The following L3MBTL4 variants were observed in gnomAD, a reference collection of about 807,000 sequenced individuals.
The protein encoded by L3MBTL4 is lethal(3)malignant brain tumor-like protein 4.
Under a neutral mutation model 84.5 loss-of-function variants are expected in L3MBTL4, and 70 were observed. That is an observed-to-expected ratio of 0.83 (90% CI 0.68 to 1.01). L3MBTL4 has a LOEUF of 1.01. L3MBTL4 is among the 50% of genes least tolerant of loss of function. L3MBTL4 has a pLI of 0.00. For synonymous variants in L3MBTL4, 274 were observed against 259.8 expected, an observed-to-expected ratio of 1.05 and a Z score of -0.52; for missense variants, 715 against 754.8, an observed-to-expected ratio of 0.95 and a Z score of 0.62.
At chr18:6,241,470 TCAAAATACC>T (rs1402797297) in intron 7 of L3MBTL4, 21 bp from the exon 8 acceptor site, 2 of 1,304,620 alleles carry the variant, frequency 1.5e-6, no homozygotes, top group East Asian at 4.6e-5. Context: ...CACAGATTAC[TCAAAATACC>T]CAAAAGATGT....
At position 6,314,780 on chromosome 18, in the gene L3MBTL4, T is replaced by C. The variant is rs571903898; in HGVS notation, c.-90-2724A>G. Among the ~76,000 whole-genome samples the C allele has an allele frequency of 1.2e-4, 19 of 152,332 alleles. No homozygotes were observed. The South Asian group carries it at 3.3e-3, about 27-fold the overall frequency. ...ACTAAAATAATTCACTGTCTGTCTA[T>C]GTCAAGGTGCTATTTGGTAATTCTT... On this transcript the variant is annotated intron_variant, in intron 1 of 18. Transcript: ENST00000317931.
At chr18:6,179,159 T>G (rs1259866948) in intron 12 of L3MBTL4, among the ~76,000 whole-genome samples, 1 of 152,208 alleles carries the variant, frequency 6.6e-6, no homozygotes, top group Non-Finnish European at 1.5e-5. Context: ...GCTATAAACC[T>G]TTTTTAAATT....
In L3MBTL4 at chr18:6,319,621, A is replaced by C. The variant is rs1018429127; in HGVS notation, c.-90-7565T>G. The stretch of plus-strand genomic sequence containing the variant: ...TTGAACAGACCAGTAACAAGCAGTA[A>C]GTTTCAATCGTAATATTTAAAATGT... On this transcript the variant is annotated intron_variant, in intron 1 of 18. Transcript: ENST00000317931. Among the ~76,000 whole-genome samples the C allele has an allele frequency of 3.9e-5, 6 of 152,024 alleles. No homozygotes were observed. In the East Asian group the frequency reaches 1.2e-3, roughly 29 times the overall value.
chr18:6,398,659 T>C (rs1472514401), intron 1 of L3MBTL4, among the ~76,000 whole-genome samples: 2 of 150,840 alleles, frequency 1.3e-5, no homozygotes, highest in Admixed American at 6.7e-5. Flanking sequence ...ATTCAGCCTA[T>C]AGATGTTTTG....
intron 16 of L3MBTL4, chr18:6,031,734 C>T (rs572746051): frequency 1.9e-5 from 19 of 985,178 alleles, no homozygotes; most frequent in African/African-American, 1.7e-4. Context: ...AGATGAAGGG[C>T]AAATGGAAAG....
At chr18:6,034,905 T>C (rs1224311588) in intron 16 of L3MBTL4, among the ~76,000 whole-genome samples, 1 of 150,396 alleles carries the variant, frequency 6.6e-6, no homozygotes, top group Non-Finnish European at 1.5e-5. Flanking sequence ...CCAGTGATGA[T>C]GAGCATTTTT....
intron 1 of L3MBTL4, among the ~76,000 whole-genome samples, chr18:6,315,356 G>T (rs915813995): frequency 1.3e-5 from 2 of 152,158 alleles, no homozygotes; most frequent in African/African-American, 4.8e-5. Context: ...ACAAATGAAT[G>T]CATTTTGATA....
At chr18:6,321,417 T>C (rs1340229007) in intron 1 of L3MBTL4, among the ~76,000 whole-genome samples, 2 of 151,890 alleles carry the variant, frequency 1.3e-5, no homozygotes, top group African/African-American at 4.8e-5. Flanking sequence ...AAACAATAGA[T>C]GTTGGTGTGG....
At chr18:6,295,350 A>C (rs4294897) in intron 4 of L3MBTL4, among the ~76,000 whole-genome samples, 12,418 of 90,256 alleles carry the variant, frequency 0.14, 605 homozygotes, top group Non-Finnish European at 0.17. Flanking sequence ...CTCTCTCTAT[A>C]TATATATATA....
chr18:6,354,632 C>A (rs2053352391), intron 1 of L3MBTL4, among the ~76,000 whole-genome samples: 1 of 152,082 alleles, frequency 6.6e-6, no homozygotes, highest in Non-Finnish European at 1.5e-5. Context: ...TTTAAATAGA[C>A]ATTTCTCAAA....
intron 16 of L3MBTL4, among the ~76,000 whole-genome samples, chr18:5,979,214 C>T (rs558338651): frequency 2.6e-5 from 4 of 152,246 alleles, no homozygotes; most frequent in South Asian, 2.1e-4. Context: ...GCCCCATTCC[C>T]GACCCCTGGG....
At chr18:6,262,196 C>G (rs1233405710) in intron 5 of L3MBTL4, among the ~76,000 whole-genome samples, 3 of 152,184 alleles carry the variant, frequency 2.0e-5, no homozygotes, top group Non-Finnish European at 4.4e-5. Flanking sequence ...GTTCTCCCCT[C>G]CCAACCTGCA....
rs145501986 is a variant in L3MBTL4, at chr18:6,070,719, G to A, written c.1444+10162C>T. On this transcript the variant is annotated intron_variant, in intron 16 of 18. Coordinates refer to ENST00000317931, the MANE Select transcript of L3MBTL4 (RefSeq NM_001330559.2). ...CGGGCATGGTGGCACACACCTGTAG[G>A]CCCAGCTACTCCAGAGGCTGAGGTG... 3.6e-3 allele frequency among the ~76,000 whole-genome samples: 545 copies of A among 151,890 alleles called. 4 individuals carry two copies. The highest frequency in any genetic ancestry group is 7.5e-3 in the South Asian group (36 of 4,790).
At position 5,974,939 on chromosome 18, in the gene L3MBTL4, G is replaced by A. The variant is rs146135436; in HGVS notation, c.1445-5377C>T. On this transcript the variant is annotated intron_variant, in intron 16 of 18. Coordinates refer to ENST00000317931, the MANE Select transcript of L3MBTL4 (RefSeq NM_001330559.2). Reference sequence around the variant, plus strand: ...TGATCGCACCACTGCATCCCAGTTTGGGTGACAGAGAAACCCTGTCTCTAT... The same window carrying A: ...TGATCGCACCACTGCATCCCAGTTTAGGTGACAGAGAAACCCTGTCTCTAT... 9.3e-3 allele frequency among the ~76,000 whole-genome samples: 1,404 copies of A among 150,704 alleles called. 26 individuals carry two copies. Among genetic ancestry groups the A allele is most frequent in the African/African-American group, 0.031 (1,298 of 41,224 alleles).
intron 13 of L3MBTL4, among the ~76,000 whole-genome samples, chr18:6,147,594 G>C (rs2042710330): frequency 6.6e-6 from 1 of 152,130 alleles, no homozygotes; most frequent in Non-Finnish European, 1.5e-5. Flanking sequence ...GTAGAGAAAG[G>C]CAATCTAACC....
chr18:5,959,673 G>A (rs1157971293), intron 18 of L3MBTL4, among the ~76,000 whole-genome samples: 1 of 152,140 alleles, frequency 6.6e-6, no homozygotes, highest in South Asian at 2.1e-4. Flanking sequence ...AATCCCAAGG[G>A]AGGATTCCTG....
chr18:6,251,968 A>G lies in L3MBTL4; in HGVS notation c.220-7380T>C, dbSNP rs2047941156. 5.3e-5 allele frequency among the ~76,000 whole-genome samples: 8 copies of G among 152,354 alleles called. No homozygotes were observed. The South Asian group carries it at 1.7e-3, about 32-fold the overall frequency. The stretch of plus-strand genomic sequence containing the variant: ...CAATATCATATACAAAAATACTTTT[A>G]GATGGAGAAGTAATAGACATGACCA... On this transcript the variant is annotated intron_variant, in intron 5 of 18. Transcript: ENST00000317931.
intron 13 of L3MBTL4, among the ~76,000 whole-genome samples, chr18:6,165,703 C>G (rs567036187): frequency 1.3e-5 from 2 of 152,314 alleles, no homozygotes; most frequent in South Asian, 4.1e-4. Context: ...AAAGGAACGA[C>G]TGGTACCAAC....
intron 1 of L3MBTL4, among the ~76,000 whole-genome samples, chr18:6,319,734 T>C (rs1321849014): frequency 6.6e-6 from 1 of 152,120 alleles, no homozygotes; most frequent in East Asian, 1.9e-4. Flanking sequence ...TCTGAAACTA[T>C]TCTGAAAGAC....
Sources: gnomAD v4.1 joint callset for allele counts (sites outside exome capture counted in the v4.1 genomes callset) on GRCh38, gnomAD v4.1.1 for gene constraint, MANE v1.5 for transcripts, NCBI Gene and HGNC (gene_info 2026-07-23, HGNC 2026-07-21) for gene names.